Variants in MLX observed in about 807,000 individuals in gnomAD.
The protein encoded by MLX is MAX dimerization protein MLX.
A neutral mutation model predicts 33.0 loss-of-function variants in MLX; 15 were observed. That is an observed-to-expected ratio of 0.45 (90% CI 0.30 to 0.70). The LOEUF (loss-of-function observed/expected upper bound fraction) is 0.70. Ranked by LOEUF, MLX falls within the 30% of genes least tolerant of loss-of-function variation. The pLI is 0.07. For missense variants in MLX, 285 were observed against 306.3 expected (o/e 0.93, Z 0.52); for synonymous variants, 115 against 115.6 (o/e 0.99, Z 0.03).
In MLX at chr17:42,569,019, TCAGA is replaced by T. The variant is rs753331457; in HGVS notation, c.276+80_276+83del. The T allele has an allele frequency of 3.3e-5, 48 of 1,474,154 alleles. No individual in the cohort carries two copies. The Middle Eastern group carries it at 1.3e-3, about 41-fold the overall frequency. 91.3% of individuals were successfully genotyped at this position (1,474,154 alleles called of 1,614,324 possible). Reference sequence around the variant, plus strand: ...TTAGCTTCCCTGTGCCCTGACCCACTCAGACAGTCCCAGGCACCCTAGGGGGTGG... The same window carrying T: ...TTAGCTTCCCTGTGCCCTGACCCACTCAGTCCCAGGCACCCTAGGGGGTGG... On this transcript the variant is annotated intron_variant, in intron 4 of 7. Coordinates refer to ENST00000435881, the MANE Select transcript of MLX (RefSeq NM_198204.2).
chr17:42,567,310 T>C, intron 1 of MLX, 144 bp downstream of exon 1: 1 of 1,386,586 alleles, frequency 7.2e-7, no homozygotes, highest in Non-Finnish European at 9.4e-7. Flanking sequence ...AAGACAGCTC[T>C]CACCCCGCGT....
Position 42,569,616 on chromosome 17 carries a change from G to T in MLX, c.476+10G>T. On this transcript the variant is annotated intron_variant, in intron 6 of 7. Coordinates refer to ENST00000435881, the MANE Select transcript of MLX (RefSeq NM_198204.2). ...TAAAGATCATGAAAGTGTAAGAGGG[G>T]TGCTGAATGGGGGGAACCAGAACTT... The T allele has an allele frequency of 6.2e-7, 1 of 1,607,862 alleles. No individual in the cohort carries two copies. Among genetic ancestry groups the T allele is most frequent in the South Asian group, 1.1e-5 (1 of 90,904 alleles).
intron 7 of MLX, 135 bp from the exon 8 acceptor site, chr17:42,571,412 C>A: frequency 1.1e-6 from 1 of 903,896 alleles, no homozygotes; most frequent in Non-Finnish European, 1.8e-6. Flanking sequence ...TAGGCGTGAG[C>A]CACCACACCT....
intron 2 of MLX, 157 bp downstream of exon 2, chr17:42,567,812 A>C (rs1395265253): frequency 1.1e-6 from 1 of 902,902 alleles, no homozygotes; most frequent in African/African-American, 1.7e-5. Context: ...GGCAGAAAAC[A>C]ACTGAGGGTG....
At chr17:42,570,749 G>A (rs1314526552) in intron 7 of MLX, among the ~76,000 whole-genome samples, 2 of 152,068 alleles carry the variant, frequency 1.3e-5, no homozygotes, top group East Asian at 1.9e-4. Context: ...TCCGCCTCCC[G>A]GGTTCACGCC....
In MLX at chr17:42,573,037, G is replaced by A. The variant is rs1000841194; in HGVS notation, c.*1434G>A. ...TCCCAACTTCCTCCTGTGAGACAGGGAGACAAGTGAATGAGATGTCACCAG... is the reference window on the plus strand; with the variant it reads ...TCCCAACTTCCTCCTGTGAGACAGGAAGACAAGTGAATGAGATGTCACCAG... On this transcript the variant is annotated 3_prime_UTR_variant, in exon 8 of 8. Transcript: ENST00000435881. 8 of 1,614,116 alleles carry A rather than the reference G, an allele frequency of 5.0e-6. No individual in the cohort carries two copies. In the African/African-American group the frequency reaches 5.3e-5, roughly 11 times the overall value.
At position 42,568,896 on chromosome 17, in the gene MLX, C is replaced by T. The variant is rs769496179; in HGVS notation, c.229C>T (p.Arg77Trp). ...CAAGGAGTCCTACAAAGACCGGCGG[C>T]GGCGCGCACACACTCAGGCTGAGCA... is the stretch of plus-strand genomic sequence containing the variant. ...AYKESYKDRR[R>W]RAHTQAEQKR... The change falls in exon 4 of 8, where the codon CGG (arginine) becomes TGG (tryptophan). Residue 77 changes from arginine (R) to tryptophan (W), a missense_variant. Physicochemically the swap from Arg to Trp is moderately radical, Grantham distance 101. Transcript: ENST00000435881. 2 of 1,611,386 alleles carry T rather than the reference C, an allele frequency of 1.2e-6. No homozygotes were observed.
rs747033129 is a variant in MLX, at chr17:42,570,019, C to T, written c.514C>T (p.Pro172Ser). ...EQIVKAHQDN[P>S]HEGEDQVSDQ... is the part of the protein sequence containing the mutation. The stretch of plus-strand genomic sequence containing the variant: ...GATTGTGAAGGCACACCAGGACAAC[C>T]CCCATGAAGGGGAGGACCAGGTCTC... The change falls in exon 7 of 8, where the codon CCC becomes TCC. Residue 172 changes from proline to serine, a missense_variant. Pro to Ser is a moderately conservative substitution (Grantham distance 74). Coordinates refer to ENST00000435881, the MANE Select transcript of MLX (RefSeq NM_198204.2). 3 of 1,614,056 alleles carry T rather than the reference C, an allele frequency of 1.9e-6. No individual in the cohort carries two copies. The highest frequency in any genetic ancestry group is 8.5e-7 in the Non-Finnish European group (1 of 1,180,026).
At position 42,568,960 on chromosome 17, in the gene MLX, G is replaced by T. The variant is rs1428644684; in HGVS notation, c.276+17G>T. On this transcript the variant is annotated intron_variant, in intron 4 of 7. Transcript: ENST00000435881. ...GCCATCAAGGTGAACAGGGAGGCCT[G>T]TGCCTCAGCCAGTGCGGGAGGGCCC... 1 of 1,597,974 alleles carries T rather than the reference G, an allele frequency of 6.3e-7. No individual in the cohort carries two copies. Among genetic ancestry groups the T allele is most frequent in the Admixed American group, 1.7e-5 (1 of 58,174 alleles).
intron 2 of MLX, 40 bp downstream of exon 2, chr17:42,567,695 C>T (rs776840267): frequency 1.9e-6 from 3 of 1,613,764 alleles, no homozygotes; most frequent in South Asian, 1.1e-5. Flanking sequence ...AGGGACACTC[C>T]CGCCCAGGCT....
chr17:42,570,311 AG>A, intron 7 of MLX, 128 bp downstream of exon 7: 2 of 823,450 alleles, frequency 2.4e-6, no homozygotes, highest in Non-Finnish European at 3.9e-6. Context: ...TACAGCTTTG[AG>A]GGCCCTGGTA....
At position 42,568,890 on chromosome 17, in the gene MLX, C is replaced by T. The variant is rs1263926960; in HGVS notation, c.223C>T (p.Arg75Trp). The change falls in exon 4 of 8, where the codon CGG becomes TGG. Residue 75 changes from arginine to tryptophan, a missense_variant. Transcript: ENST00000435881. ...GGCCTACAAGGAGTCCTACAAAGAC[C>T]GGCGGCGGCGCGCACACACTCAGGC... ...QEAYKESYKD[R>W]RRRAHTQAEQ... The T allele has an allele frequency of 3.1e-6, 5 of 1,611,590 alleles. No homozygotes were observed. Among genetic ancestry groups the T allele is most frequent in the South Asian group, 2.2e-5 (2 of 90,684 alleles).
At chr17:42,568,287 T>C (rs1398185780) in intron 2 of MLX, 183 bp from the exon 3 acceptor site, 17 of 330,278 alleles carry the variant, frequency 5.1e-5, no homozygotes, top group South Asian at 2.3e-4. Context: ...GGCGTGAACC[T>C]GGGAGGCGGA....
At position 42,569,974 on chromosome 17, in the gene MLX, G is replaced by C; in HGVS notation, c.477-8G>C. ...GCAGCACCTCAGCCCTGGCCTGCAT[G>C]CTTTTAGGAACTATGAGCAGATTGT... On this transcript the variant is annotated splice_polypyrimidine_tract_variant and splice_region_variant and intron_variant, in intron 6 of 7. Transcript: ENST00000435881. The C allele has an allele frequency of 6.2e-7, 1 of 1,613,396 alleles. No individual in the cohort carries two copies. The highest frequency in any genetic ancestry group is 1.1e-5 in the South Asian group (1 of 91,030).
At position 42,567,174 on chromosome 17, in the gene MLX, C is replaced by T. The variant is rs746975126; in HGVS notation, c.42+8C>T. The T allele has an allele frequency of 2.3e-6, 3 of 1,296,422 alleles. No individual in the cohort carries two copies. The highest frequency in any genetic ancestry group is 3.0e-5 in the East Asian group (1 of 33,866). 80.3% of individuals were successfully genotyped at this position (1,296,422 alleles called of 1,614,324 possible). On this transcript the variant is annotated splice_region_variant and intron_variant, in intron 1 of 7. Coordinates refer to ENST00000435881, the MANE Select transcript of MLX (RefSeq NM_198204.2). ...GAGGACCCTTGGGTCAAGGCAAGCC[C>T]CGTGGGCGCGCACGCCGGCGAGGGG...
In MLX at chr17:42,570,017, A is replaced by T; in HGVS notation, c.512A>T (p.Asn171Ile). 1.2e-6 allele frequency: 2 copies of T among 1,613,966 alleles called. No homozygotes were observed. The highest frequency in any genetic ancestry group is 1.1e-5 in the South Asian group (1 of 91,068). ...CAGATTGTGAAGGCACACCAGGACAACCCCCATGAAGGGGAGGACCAGGTC... is the reference window on the plus strand; with the variant it reads ...CAGATTGTGAAGGCACACCAGGACATCCCCCATGAAGGGGAGGACCAGGTC... ...YEQIVKAHQD[N>I]PHEGEDQVSD... The change falls in exon 7 of 8, where the codon AAC becomes ATC. Residue 171 changes from asparagine to isoleucine, a missense_variant. Asn to Ile is a moderately radical substitution (Grantham distance 149). Transcript: ENST00000435881.
At chr17:42,571,322 C>T (rs185802487) in intron 7 of MLX, among the ~76,000 whole-genome samples, 39 of 151,998 alleles carry the variant, frequency 2.6e-4, no homozygotes, top group African/African-American at 8.7e-4. Flanking sequence ...TTAGTAGAGA[C>T]GGGGTTTCAC....
chr17:42,571,549 C>A lies in MLX; in HGVS notation c.681C>A (p.Thr227=), dbSNP rs776778425. 56 of 1,614,038 alleles carry A rather than the reference C, an allele frequency of 3.5e-5. No homozygotes were observed. The highest frequency in any genetic ancestry group is 4.7e-5 in the Non-Finnish European group (56 of 1,180,020). Residue 227 remains threonine, a splice_region_variant and synonymous_variant, in exon 8 of 8, where the codon ACC becomes ACA. Coordinates refer to ENST00000435881, the MANE Select transcript of MLX (RefSeq NM_198204.2). ...SWIEEHCKPQ[T]LREIVIGVLH... is the part of the protein sequence containing the mutation. Reference sequence around the variant, plus strand: ...TCTTCCTCTGCTGCCCTCGCCAGACCCTGCGGGAGATTGTGATTGGCGTCC... The same window carrying A: ...TCTTCCTCTGCTGCCCTCGCCAGACACTGCGGGAGATTGTGATTGGCGTCC...
chr17:42,568,703 C>A, intron 3 of MLX, 134 bp from the exon 4 acceptor site: 1 of 1,056,452 alleles, frequency 9.5e-7, no homozygotes, highest in Non-Finnish European at 1.4e-6. Context: ...TCTTTCACCT[C>A]ATCTGGAACA....
Sources: allele counts gnomAD v4.1 joint callset (sites outside exome capture counted in the v4.1 genomes callset), GRCh38; gene constraint gnomAD v4.1.1; transcripts MANE v1.5; gene names NCBI Gene and HGNC (gene_info 2026-07-23, HGNC 2026-07-21).